LINGO2: variants seen among roughly 807,000 people sequenced by gnomAD.
LINGO2 encodes leucine rich repeat and Ig domain containing 2.
Under a neutral mutation model 30.6 loss-of-function variants are expected in LINGO2, and 14 were observed. The ratio of observed to expected loss-of-function variants is 0.46; its 90% confidence interval spans 0.30 to 0.72. The LOEUF (loss-of-function observed/expected upper bound fraction) is 0.72. Among genes scored for constraint, LINGO2 ranks in the 30% least tolerant of loss-of-function variants. The probability of loss-of-function intolerance (pLI) is 0.07; values close to 1 mark genes in which losing one functional copy is unlikely to be tolerated. For missense variants in LINGO2, 729 were observed against 751.7 expected, an observed-to-expected ratio of 0.97 and a Z score of 0.35; for synonymous variants, 317 against 288.5, an observed-to-expected ratio of 1.10 and a Z score of -1.00.
intron 4 of LINGO2, among the ~76,000 whole-genome samples, chr9:28,132,132 G>T (rs1827394410): frequency 6.6e-6 from 1 of 152,132 alleles, no homozygotes; most frequent in Admixed American, 6.6e-5. Context: ...ACTAGTTTTA[G>T]TAAACTGATA....
At chr9:28,793,314 G>T in the LINGO2 span, among the ~76,000 whole-genome samples, 4 of 152,094 alleles carry the variant, frequency 2.6e-5, no homozygotes, top group Non-Finnish European at 4.4e-5. Flanking sequence ...GATGATTAAA[G>T]ATCTAATAGA....
chr9:28,899,351 C>T, the LINGO2 span, among the ~76,000 whole-genome samples: 1 of 152,260 alleles, frequency 6.6e-6, no homozygotes, highest in East Asian at 1.9e-4. Context: ...TCTCAGCCTC[C>T]AGTCCTGCCC....
At chr9:28,623,717 T>A (rs1175646613) in intron 1 of LINGO2, among the ~76,000 whole-genome samples, 1 of 152,078 alleles carries the variant, frequency 6.6e-6, no homozygotes, top group Non-Finnish European at 1.5e-5. Context: ...GATTTTTTTT[T>A]CTATTTCTTT....
At chr9:29,166,355 A>T in the LINGO2 span, among the ~76,000 whole-genome samples, 1 of 152,108 alleles carries the variant, frequency 6.6e-6, no homozygotes, top group Admixed American at 6.6e-5. Context: ...CAGAATATTT[A>T]GGTGGGTAAG....
chr9:28,609,836 A>T (rs1825842282), intron 1 of LINGO2, among the ~76,000 whole-genome samples: 2 of 152,098 alleles, frequency 1.3e-5, no homozygotes, highest in African/African-American at 4.8e-5. Context: ...CCCTAGGAAA[A>T]TTCTAAAAGT....
At chr9:28,385,308 T>C (rs1481387546) in intron 2 of LINGO2, among the ~76,000 whole-genome samples, 1 of 152,154 alleles carries the variant, frequency 6.6e-6, no homozygotes, top group Non-Finnish European at 1.5e-5. Context: ...TAACCTCACC[T>C]GAAGTGATTT....
At chr9:28,725,792 A>C in the LINGO2 span, among the ~76,000 whole-genome samples, 1 of 143,200 alleles carries the variant, frequency 7.0e-6, no homozygotes, top group Non-Finnish European at 1.5e-5. Flanking sequence ...AAGGAAACTT[A>C]AAAATTAACA....
chr9:28,405,269 G>GTAT (rs1424487563), intron 2 of LINGO2, among the ~76,000 whole-genome samples: 1 of 152,022 alleles, frequency 6.6e-6, no homozygotes, highest in Non-Finnish European at 1.5e-5. Context: ...TAGCAACACT[G>GTAT]TATTATTATT....
intron 4 of LINGO2, among the ~76,000 whole-genome samples, chr9:28,080,008 C>A (rs946057771): frequency 6.6e-6 from 1 of 152,186 alleles, no homozygotes; most frequent in Non-Finnish European, 1.5e-5. Flanking sequence ...CATCATCAAG[C>A]CTGTCAGCTC....
intron 4 of LINGO2, among the ~76,000 whole-genome samples, chr9:28,104,966 G>T (rs1826539877): frequency 6.6e-6 from 1 of 151,980 alleles, no homozygotes; most frequent in African/African-American, 2.4e-5. Flanking sequence ...CTATATAACA[G>T]ATCACGTTTC....
intron 4 of LINGO2, among the ~76,000 whole-genome samples, chr9:28,045,494 A>G (rs2133019709): frequency 6.6e-6 from 1 of 152,338 alleles, no homozygotes. Flanking sequence ...ACAGGGGAAA[A>G]GTAGAACTCA....
At chr9:28,974,938 G>A in the LINGO2 span, among the ~76,000 whole-genome samples, 1 of 152,014 alleles carries the variant, frequency 6.6e-6, no homozygotes. Flanking sequence ...AGAATTTCTT[G>A]GACTGTATTG....
chr9:27,941,826 T>C, the LINGO2 span: 1 of 152,190 alleles, frequency 6.6e-6, no homozygotes, highest in African/African-American at 2.4e-5. Flanking sequence ...TTCAATTTGC[T>C]TGAAGACTAA....
chr9:29,110,676 C>T, the LINGO2 span, among the ~76,000 whole-genome samples: 1 of 147,750 alleles, frequency 6.8e-6, no homozygotes, highest in Non-Finnish European at 1.5e-5. Context: ...ATTAGTGGTC[C>T]CTGGAAGTTA....
intron 5 of LINGO2, among the ~76,000 whole-genome samples, chr9:27,980,547 G>A (rs1930005): frequency 0.051 from 7,724 of 152,018 alleles, 366 homozygotes; most frequent in Admixed American, 0.1. Flanking sequence ...CTAACAAGAT[G>A]ATTAGCATGT....
chr9:28,548,013 T>C lies in LINGO2; in HGVS notation c.-364-71988A>G, dbSNP rs145981265. Among the ~76,000 whole-genome samples the C allele has an allele frequency of 2.1e-4, 32 of 152,134 alleles. No homozygotes were observed. In the East Asian group the frequency reaches 5.6e-3, roughly 27 times the overall value. ...CAAAAGAAAATTTATTAGAAGAAGCTAGAGTATATAACAGAATGCAGTGAA... is the reference window on the plus strand; with the variant it reads ...CAAAAGAAAATTTATTAGAAGAAGCCAGAGTATATAACAGAATGCAGTGAA... On this transcript the variant is annotated intron_variant, in intron 1 of 5. Transcript: ENST00000379992.
At chr9:28,453,219 A>G (rs1487710445) in intron 2 of LINGO2, among the ~76,000 whole-genome samples, 1 of 151,970 alleles carries the variant, frequency 6.6e-6, no homozygotes, top group Admixed American at 6.6e-5. Flanking sequence ...AATAAAAAAG[A>G]GTCCCTACTC....
intron 1 of LINGO2, among the ~76,000 whole-genome samples, chr9:28,609,492 C>T (rs1346273685): frequency 1.3e-5 from 2 of 151,496 alleles, no homozygotes; most frequent in African/African-American, 4.8e-5. Flanking sequence ...ATACAAATAA[C>T]CAATAAACAT....
At chr9:28,539,247 T>C (rs1321716345) in intron 1 of LINGO2, among the ~76,000 whole-genome samples, 1 of 152,130 alleles carries the variant, frequency 6.6e-6, no homozygotes, top group Admixed American at 6.6e-5. Flanking sequence ...TTTTAATATA[T>C]GTAAGTTACA....
Sources: gnomAD v4.1 joint callset for allele counts (sites outside exome capture counted in the v4.1 genomes callset) on GRCh38, gnomAD v4.1.1 for gene constraint, MANE v1.5 for transcripts, NCBI Gene and HGNC (gene_info 2026-07-23, HGNC 2026-07-21) for gene names.